The following PRKG1 variants were observed in gnomAD, a reference collection of about 807,000 sequenced individuals.
PRKG1 encodes the protein protein kinase cGMP-dependent 1.
A neutral mutation model predicts 88.1 loss-of-function variants in PRKG1; 35 were observed. The ratio of observed to expected loss-of-function variants is 0.40; its 90% CI spans 0.30 to 0.53. The LOEUF is 0.53. Among genes scored for constraint, PRKG1 ranks in the 20% least tolerant of loss-of-function variants. The pLI is 0.59. For synonymous variants in PRKG1, 303 were observed against 292.5 expected (o/e 1.04, Z -0.37); for missense variants, 540 against 839.8 (o/e 0.64, Z 4.41).
At chr10:51,994,638 C>G (rs535865944) in intron 5 of PRKG1, among the ~76,000 whole-genome samples, 1 of 152,112 alleles carries the variant, frequency 6.6e-6, no homozygotes, top group African/African-American at 2.4e-5. Context: ...TCCTTAGGTC[C>G]GTAGTGCTTT....
At chr10:51,093,762 T>TATATAC (rs1204581792) in intron 1 of PRKG1, among the ~76,000 whole-genome samples, 1 of 144,038 alleles carries the variant, frequency 6.9e-6, no homozygotes, top group Non-Finnish European at 1.5e-5. Context: ...TATATATACA[T>TATATAC]ATATACATAT....
At chr10:51,161,551 C>T (rs1448242746) in intron 2 of PRKG1, among the ~76,000 whole-genome samples, 1 of 151,988 alleles carries the variant, frequency 6.6e-6, no homozygotes, top group Non-Finnish European at 1.5e-5. Context: ...TTGGAAGCTT[C>T]CTGAAAGCTA....
intron 3 of PRKG1, among the ~76,000 whole-genome samples, chr10:51,781,500 A>G (rs1456441712): frequency 6.6e-6 from 1 of 152,174 alleles, no homozygotes. Flanking sequence ...CTGTGCCGAC[A>G]TTTGGAAGCA....
At chr10:51,562,484 C>T (rs767571664) in intron 3 of PRKG1, among the ~76,000 whole-genome samples, 4 of 151,948 alleles carry the variant, frequency 2.6e-5, no homozygotes, top group Non-Finnish European at 5.9e-5. Flanking sequence ...TCCATAGATA[C>T]GTGTGCATCT....
At chr10:51,374,091 A>AT (rs1554801042) in intron 2 of PRKG1, among the ~76,000 whole-genome samples, 3 of 64,742 alleles carry the variant, frequency 4.6e-5, no homozygotes, top group African/African-American at 1.5e-4. Flanking sequence ...GCAAAAAAAA[A>AT]AAATATATAT....
intron 2 of PRKG1, among the ~76,000 whole-genome samples, chr10:51,465,967 G>A (rs1839895517): frequency 6.6e-6 from 1 of 152,116 alleles, no homozygotes; most frequent in African/African-American, 2.4e-5. Flanking sequence ...AATGAAATAG[G>A]TGCTTTTATT....
intron 9 of PRKG1, among the ~76,000 whole-genome samples, chr10:52,193,238 C>A (rs1449078710): frequency 1.3e-5 from 2 of 152,026 alleles, no homozygotes; most frequent in Non-Finnish European, 2.9e-5. Flanking sequence ...TTGACTCAAA[C>A]ATCTTAGAAC....
At chr10:51,603,139 G>A (rs765991087) in intron 3 of PRKG1, among the ~76,000 whole-genome samples, 3 of 151,908 alleles carry the variant, frequency 2.0e-5, no homozygotes, top group African/African-American at 7.3e-5. Flanking sequence ...TGTATTTTTA[G>A]TAGAGACGGG....
intron 3 of PRKG1, among the ~76,000 whole-genome samples, chr10:51,673,850 A>G (rs1383778705): frequency 6.6e-6 from 1 of 152,200 alleles, no homozygotes; most frequent in Non-Finnish European, 1.5e-5. Flanking sequence ...ATAAGCAGCT[A>G]TTTATCTCAT....
At chr10:51,137,193 A>G (rs1845708545) in intron 1 of PRKG1, among the ~76,000 whole-genome samples, 1 of 152,046 alleles carries the variant, frequency 6.6e-6, no homozygotes, top group African/African-American at 2.4e-5. Context: ...CTAATTAATT[A>G]TTTCTTAAAG....
chr10:52,125,966 T>G (rs551504049), intron 7 of PRKG1: 1 of 152,174 alleles, frequency 6.6e-6, no homozygotes, highest in Non-Finnish European at 1.5e-5. Context: ...ATATACAGCA[T>G]GGACACACTG....
intron 2 of PRKG1, among the ~76,000 whole-genome samples, chr10:51,195,527 T>A (rs1837740636): frequency 6.6e-6 from 1 of 152,214 alleles, no homozygotes; most frequent in Non-Finnish European, 1.5e-5. Context: ...AAAATAAGGA[T>A]GAGAAATTTA....
At chr10:51,186,362 C>G (rs1167402454) in intron 2 of PRKG1, among the ~76,000 whole-genome samples, 3 of 151,650 alleles carry the variant, frequency 2.0e-5, no homozygotes, top group Non-Finnish European at 4.4e-5. Context: ...TTGTTACATT[C>G]CATTTTTATT....
intron 3 of PRKG1, chr10:51,699,519 T>C (rs1458220045): frequency 3.7e-6 from 6 of 1,612,128 alleles, no homozygotes; most frequent in East Asian, 2.2e-5. Context: ...GATCGATCCA[T>C]TGCCGGGTCT....
intron 4 of PRKG1, among the ~76,000 whole-genome samples, chr10:51,854,173 G>A (rs1021689580): frequency 6.6e-6 from 1 of 152,014 alleles, no homozygotes; most frequent in Non-Finnish European, 1.5e-5. Context: ...TGGTCAACAG[G>A]CATTATTAAC....
chr10:52,116,572 C>T (rs536714124), intron 7 of PRKG1, among the ~76,000 whole-genome samples: 1 of 151,878 alleles, frequency 6.6e-6, no homozygotes, highest in Non-Finnish European at 1.5e-5. Flanking sequence ...GAGGGTCTTA[C>T]TCACTGTGAA....
intron 8 of PRKG1, among the ~76,000 whole-genome samples, chr10:52,150,530 A>C (rs919489248): frequency 6.6e-6 from 1 of 152,180 alleles, no homozygotes; most frequent in African/African-American, 2.4e-5. Context: ...TTGCTAAGTT[A>C]TATAAACATT....
chr10:52,203,162 C>T (rs1021477403), intron 9 of PRKG1, among the ~76,000 whole-genome samples: 1 of 151,932 alleles, frequency 6.6e-6, no homozygotes, highest in Non-Finnish European at 1.5e-5. Context: ...GTGCTGTAAA[C>T]TCTCCTTTTA....
intron 3 of PRKG1, among the ~76,000 whole-genome samples, chr10:51,640,362 T>C (rs578167933): frequency 6.6e-6 from 1 of 152,350 alleles, no homozygotes; most frequent in Admixed American, 6.5e-5. Flanking sequence ...AGCTGATTTA[T>C]AGTTCTCTCA....
Sources: gnomAD v4.1 joint callset for allele counts (sites outside exome capture counted in the v4.1 genomes callset) on GRCh38, gnomAD v4.1.1 for gene constraint, MANE v1.5 for transcripts, NCBI Gene and HGNC (gene_info 2026-07-23, HGNC 2026-07-21) for gene names.